The following SF3B1 variants were observed in gnomAD, a reference collection of about 807,000 sequenced individuals.
SF3B1 encodes pre-mRNA processing 10.
SF3B1 carries 12 observed loss-of-function variants against 153.8 expected under a neutral mutation model. The observed-to-expected ratio is 0.08, with a 90% CI of 0.05 to 0.13. SF3B1 has a LOEUF of 0.13. SF3B1 is among the 10% of genes least tolerant of loss of function. The pLI is 1.00. For synonymous variants in SF3B1, 498 were observed against 525.2 expected, an observed-to-expected ratio of 0.95 and a Z score of 0.71; for missense variants, 513 against 1,606.1, an observed-to-expected ratio of 0.32 and a Z score of 11.63.
chr2:197,433,207 G>C (rs1377361203), intron 1 of SF3B1, among the ~76,000 whole-genome samples: 1 of 152,206 alleles, frequency 6.6e-6, no homozygotes, highest in Non-Finnish European at 1.5e-5. Flanking sequence ...ATAGGGATGG[G>C]CACAGACAGT....
Position 197,400,180 on chromosome 2 carries a change from A to G in SF3B1, c.2902-14T>C, listed in dbSNP as rs751048034. 9.2e-6 allele frequency: 10 copies of G among 1,083,288 alleles called. No individual in the cohort carries two copies. The African/African-American group carries it at 1.5e-4, about 17-fold the overall frequency. 67.1% of individuals were successfully genotyped at this position (1,083,288 alleles called of 1,614,324 possible). A position where few individuals can be genotyped will look rare whatever the true frequency, so the allele number is the denominator to read the frequency against. ...CATCAATTTTTCCTATAATAAAACA[A>G]ATAATGTTAAAATGTTACTATTTAC... On this transcript the variant is annotated splice_polypyrimidine_tract_variant and intron_variant, in intron 19 of 24. Transcript: ENST00000335508. The surrounding 1 kb of genome is among the most constrained non-coding windows in gnomAD (Gnocchi z 5.0).
rs760696286 is a variant in SF3B1, at chr2:197,396,351, C to T, written c.3267-23G>A. 8.2e-5 allele frequency: 130 copies of T among 1,583,126 alleles called. No homozygotes were observed. The Admixed American group carries it at 2.2e-3, about 27-fold the overall frequency. ...GGGCTGAAAAAAACAAATGGGTCAA[C>T]AAGCTGTTACATTATAAGTCAAAAA... On this transcript the variant is annotated intron_variant, in intron 22 of 24. Transcript: ENST00000335508.
In SF3B1 at chr2:197,400,385, T is replaced by C. The variant is rs1172302608; in HGVS notation, c.2768A>G (p.Lys923Arg). ...CTGAGGCAAGTATGGTTTGACTCGT[T>C]TGCCAAGAGCATTAACCACTGTGCC... is the stretch of plus-strand genomic sequence containing the variant. ...GFGTVVNALGKRVKPYLPQIC... is the reference protein window; with the variant it reads ...GFGTVVNALGRRVKPYLPQIC... Residue 923 changes from lysine to arginine, a missense_variant, in exon 19 of 25, where the codon AAA (lysine) becomes AGA (arginine). Lys to Arg is a conservative substitution (Grantham distance 26). Around this residue, in one of 21 missense-constraint regions of SF3B1, gnomAD observed 20 missense variants for 90.4 expected, o/e 0.22. Transcript: ENST00000335508. This position sits in a 1 kb window ranked among gnomAD's most constrained non-coding sequence, Gnocchi z 5.0. 2 of 1,614,002 alleles carry C rather than the reference T, an allele frequency of 1.2e-6. No homozygotes were observed. Among genetic ancestry groups the C allele is most frequent in the Admixed American group, 1.7e-5 (1 of 60,006 alleles).
chr2:197,430,761 GT>G (rs1170554096), intron 1 of SF3B1, among the ~76,000 whole-genome samples: 2 of 151,930 alleles, frequency 1.3e-5, no homozygotes, highest in Non-Finnish European at 2.9e-5. Flanking sequence ...GCCTACCCTA[GT>G]GTTATTAAAA....
chr2:197,416,770 T>G lies in SF3B1; in HGVS notation c.637A>C (p.Lys213Gln). 1.9e-6 allele frequency: 3 copies of G among 1,613,112 alleles called. No individual in the cohort carries two copies. Among genetic ancestry groups the G allele is most frequent in the Non-Finnish European group, 2.5e-6 (3 of 1,179,758 alleles). The change falls in exon 6 of 25, where the codon AAA becomes CAA. Residue 213 changes from lysine to glutamine, a missense_variant. By Grantham distance (53) the Lys-to-Gln change is moderately conservative (BLOSUM62 1). This residue lies in a region of SF3B1 where 17 missense variants were observed against 16.3 expected (regional missense o/e 1.05). Transcript: ENST00000335508. ...TADQTPGATPKKLSSWDQAET... is the reference protein window; with the variant it reads ...TADQTPGATPQKLSSWDQAET... ...GCCTGATCCCAACTTGATAGTTTTTTGGGAGTGGCACCAGGAGTCTGATCA... is the reference window on the plus strand; with the variant it reads ...GCCTGATCCCAACTTGATAGTTTTTGGGGAGTGGCACCAGGAGTCTGATCA...
intron 4 of SF3B1, chr2:197,419,550 A>T: frequency 4.5e-6 from 1 of 221,578 alleles, no homozygotes; most frequent in Non-Finnish European, 9.0e-6. Context: ...CTCTGATAAG[A>T]CTTCCTTTGG....
chr2:197,395,975 T>C, intron 23 of SF3B1, 81 bp downstream of exon 23: 1 of 1,265,304 alleles, frequency 7.9e-7, no homozygotes, highest in Non-Finnish European at 1.1e-6. Context: ...CAGTAAAAAG[T>C]CATCTAATAA....
Position 197,423,966 on chromosome 2 carries a change from C to T in SF3B1, c.37G>A (p.Ala13Thr), listed in dbSNP as rs2106015596. Reference protein sequence around the residue: ...KIAKTHEDIEAQIREIQGKKA... With the variant: ...KIAKTHEDIETQIREIQGKKA... ...TTGCCTTGAATTTCTCGAATCTGTG[C>T]TTCAATATCTATAAAAAGATAACAC... Residue 13 changes from alanine to threonine, a missense_variant, in exon 2 of 25, where the codon GCA becomes ACA. Ala to Thr is a moderately conservative substitution (Grantham distance 58). This residue lies in a region of SF3B1 where 27 missense variants were observed against 26.7 expected (regional missense o/e 1.01). Transcript: ENST00000335508. 1 of 1,607,012 alleles carries T rather than the reference C, an allele frequency of 6.2e-7. No homozygotes were observed.
intron 1 of SF3B1, among the ~76,000 whole-genome samples, chr2:197,425,455 A>G (rs2085319260): frequency 1.3e-5 from 2 of 152,028 alleles, no homozygotes. Flanking sequence ...GACAAGAGCG[A>G]AACTCCGTCT....
Position 197,404,875 on chromosome 2 carries a change from A to G in SF3B1, c.1539+201T>C, listed in dbSNP as rs1283773683. 4 of 446,136 alleles carry G rather than the reference A, an allele frequency of 9.0e-6. No individual in the cohort carries two copies. In the South Asian group the frequency reaches 1.4e-4, roughly 15 times the overall value. The allele number at this position is 446,136 out of a possible 1,614,324, so 27.6% of individuals were successfully genotyped here. On this transcript the variant is annotated intron_variant, in intron 11 of 24. Coordinates refer to ENST00000335508, the MANE Select transcript of SF3B1 (RefSeq NM_012433.4). ...ACATTTCCTGGTGAAAAAATTAAAA[A>G]CATTTTTAAAAATATAAACATGGCC...
chr2:197,411,593 A>C (rs2085068582), intron 6 of SF3B1, among the ~76,000 whole-genome samples: 1 of 151,702 alleles, frequency 6.6e-6, no homozygotes, highest in Non-Finnish European at 1.5e-5. Context: ...AATGGTGTGA[A>C]CCCGGGAGGC....
chr2:197,410,338 G>A (rs534568162), intron 6 of SF3B1, among the ~76,000 whole-genome samples: 2 of 152,100 alleles, frequency 1.3e-5, no homozygotes, highest in East Asian at 1.9e-4. Context: ...ATCAGTAATC[G>A]AAGGCTTTCA....
intron 1 of SF3B1, among the ~76,000 whole-genome samples, chr2:197,429,381 G>C (rs2085389790): frequency 6.6e-6 from 1 of 152,188 alleles, no homozygotes; most frequent in African/African-American, 2.4e-5. Flanking sequence ...TTGTACTACA[G>C]TGTGTTTATC....
chr2:197,407,958 T>C (rs775559922), intron 9 of SF3B1, 40 bp downstream of exon 9: 89 of 1,576,066 alleles, frequency 5.6e-5, no homozygotes, highest in Non-Finnish European at 7.3e-5. Flanking sequence ...AAAATAAATG[T>C]ATATCCTAAA....
At chr2:197,412,509 C>T (rs879545229) in intron 6 of SF3B1, among the ~76,000 whole-genome samples, 8 of 151,550 alleles carry the variant, frequency 5.3e-5, no homozygotes, top group Admixed American at 1.3e-4. Flanking sequence ...GTGCCTGCCA[C>T]CACACCTGGC....
intron 11 of SF3B1, among the ~76,000 whole-genome samples, chr2:197,404,048 C>T (rs1283554478): frequency 6.6e-6 from 1 of 152,168 alleles, no homozygotes; most frequent in African/African-American, 2.4e-5. Context: ...TTCCAAGGCA[C>T]ATATAGTGTT....
intron 7 of SF3B1, 105 bp from the exon 8 acceptor site, chr2:197,408,686 A>T (rs1263940290): frequency 1.2e-6 from 1 of 801,464 alleles, no homozygotes; most frequent in African/African-American, 1.7e-5. Flanking sequence ...CTAAAATAGA[A>T]TATTCCTAAA....
rs935072288 is a variant in SF3B1, at chr2:197,407,890, T to C, written c.1239+108A>G. ...CCTGGAAATAGCTAAGAGAATGGAA[T>C]GACAATAGTAAATTTGGGCAAAGCC... On this transcript the variant is annotated intron_variant, in intron 9 of 24. Coordinates refer to ENST00000335508, the MANE Select transcript of SF3B1 (RefSeq NM_012433.4). 6 of 885,990 alleles carry C rather than the reference T, an allele frequency of 6.8e-6. 1 individual carries two copies. Among genetic ancestry groups the C allele is most frequent in the South Asian group, 4.8e-5 (3 of 62,862 alleles). The allele number at this position is 885,990 out of a possible 1,614,324, so 54.9% of individuals were successfully genotyped here. A position where few individuals can be genotyped will look rare whatever the true frequency, so the allele number is the denominator to read the frequency against.
rs75593326 is a variant in SF3B1 at position 197,419,147 on chromosome 2, G to A, written c.416-559C>T. 840 of 493,676 alleles carry A rather than the reference G, an allele frequency of 1.7e-3. 2 individuals carry two copies. Among genetic ancestry groups the A allele is most frequent in the Non-Finnish European group, 2.5e-3 (686 of 276,850 alleles). The allele number at this position is 493,676 out of a possible 1,614,324, so 30.6% of individuals were successfully genotyped here. On this transcript the variant is annotated intron_variant, in intron 4 of 24. Transcript: ENST00000335508. Reference sequence around the variant, plus strand: ...ACCTATAATCTTATTCTGATGTCACGTTACTAAAAAGGGCTTCATGCTTTA... The same window carrying A: ...ACCTATAATCTTATTCTGATGTCACATTACTAAAAAGGGCTTCATGCTTTA...
Sources: gnomAD v4.1 joint callset for allele counts (sites outside exome capture counted in the v4.1 genomes callset) on GRCh38, gnomAD v4.1.1 for gene constraint, gnomAD v4.1.1 regional missense constraint, Gnocchi (gnomAD v3.1) non-coding constraint, MANE v1.5 for transcripts, NCBI Gene and HGNC (gene_info 2026-07-23, HGNC 2026-07-21) for gene names.